The following TRAPPC9 variants were observed in gnomAD, a reference collection of about 807,000 sequenced individuals.
TRAPPC9 encodes the protein trafficking protein particle complex subunit 9, also known as IKK2 binding protein.
A neutral mutation model predicts 124.0 loss-of-function variants in TRAPPC9; 83 were observed. The observed-to-expected ratio is 0.67, with a 90% CI of 0.56 to 0.80. The LOEUF (loss-of-function observed/expected upper bound fraction) is 0.80, where lower values mean the gene tolerates loss of function less well. Among genes scored for constraint, TRAPPC9 ranks in the 30% least tolerant of loss-of-function variants. The pLI is 0.00. For missense variants in TRAPPC9, 1,302 were observed against 1,508.3 expected (o/e 0.86, Z 2.27); for synonymous variants, 638 against 617.5 (o/e 1.03, Z -0.49).
chr8:139,931,040 G>A (rs987010995), intron 19 of TRAPPC9: 17 of 152,258 alleles, frequency 1.1e-4, no homozygotes, highest in African/African-American at 3.9e-4. Flanking sequence ...GCAACCCCGA[G>A]GCCCTGGCTC....
intron 21 of TRAPPC9, among the ~76,000 whole-genome samples, chr8:139,775,055 C>T (rs1172170226): frequency 6.6e-6 from 1 of 152,192 alleles, no homozygotes; most frequent in African/African-American, 2.4e-5. Context: ...CCAAGAATGT[C>T]TAAGGGCCAG....
chr8:139,743,541 T>C (rs979578235), intron 21 of TRAPPC9, among the ~76,000 whole-genome samples: 19 of 152,256 alleles, frequency 1.2e-4, no homozygotes, highest in African/African-American at 4.6e-4. Flanking sequence ...CTAGTTGACA[T>C]AAATCTTGGG....
At chr8:139,746,613 G>C (rs1818911336) in intron 21 of TRAPPC9, among the ~76,000 whole-genome samples, 1 of 152,322 alleles carries the variant, frequency 6.6e-6, no homozygotes, top group South Asian at 2.1e-4. Context: ...GGGTCCCCAG[G>C]TGAGCGCCAA....
At chr8:140,334,049 A>G (rs7813317) in intron 9 of TRAPPC9, among the ~76,000 whole-genome samples, 27 of 152,212 alleles carry the variant, frequency 1.8e-4, no homozygotes, top group African/African-American at 6.3e-4. Flanking sequence ...AGAGAAATTG[A>G]AGCTTAGAAA....
At chr8:140,442,623 T>C (rs1480659810) in intron 2 of TRAPPC9, among the ~76,000 whole-genome samples, 1 of 151,324 alleles carries the variant, frequency 6.6e-6, no homozygotes, top group East Asian at 1.9e-4. Flanking sequence ...AAGAAAATGC[T>C]TAATATTTTT....
At chr8:140,389,563 C>G (rs1413144568) in intron 7 of TRAPPC9, among the ~76,000 whole-genome samples, 5 of 152,056 alleles carry the variant, frequency 3.3e-5, no homozygotes, top group African/African-American at 1.2e-4. Context: ...AGTGCCTGGT[C>G]TATGACAAGT....
intron 17 of TRAPPC9, among the ~76,000 whole-genome samples, chr8:140,125,626 G>A (rs937216061): frequency 1.8e-5 from 2 of 113,948 alleles, no homozygotes; most frequent in Admixed American, 1.3e-4. Flanking sequence ...ATGGAGCCTC[G>A]CTCTGTCACC....
chr8:139,754,075 G>C (rs533636549), intron 21 of TRAPPC9, among the ~76,000 whole-genome samples: 1 of 152,296 alleles, frequency 6.6e-6, no homozygotes, highest in Admixed American at 6.5e-5. Flanking sequence ...TGTGTTCTTA[G>C]CTCAGGCTGG....
chr8:140,362,409 G>A (rs2067982770), intron 8 of TRAPPC9, among the ~76,000 whole-genome samples: 1 of 152,042 alleles, frequency 6.6e-6, no homozygotes, highest in Non-Finnish European at 1.5e-5. Context: ...TTTTGATAAT[G>A]ATTTAATCTG....
chr8:139,832,033 G>T (rs937374967), intron 21 of TRAPPC9, among the ~76,000 whole-genome samples: 1 of 152,116 alleles, frequency 6.6e-6, no homozygotes. Context: ...CCCTCCCAAG[G>T]TGCTCATAGC....
rs1217270502 is a variant in TRAPPC9, at chr8:140,129,180, C to T, written c.2556+92279G>A. 2.0e-5 allele frequency among the ~76,000 whole-genome samples: 3 copies of T among 152,010 alleles called. No individual in the cohort carries two copies. The East Asian group carries it at 5.8e-4, about 29-fold the overall frequency. ...GTTTCTTTAACAACAGATTGGTGTC[C>T]ATCTCCTTTCTGAACAAGGCAGGCC... On this transcript the variant is annotated intron_variant, in intron 17 of 22. Transcript: ENST00000438773.
chr8:139,979,800 CA>C (rs1836765003), intron 19 of TRAPPC9, among the ~76,000 whole-genome samples: 1 of 152,128 alleles, frequency 6.6e-6, no homozygotes, highest in Non-Finnish European at 1.5e-5. Context: ...ACAGCACTGC[CA>C]GGGGGACCCA....
At chr8:140,053,128 T>C (rs938137733) in intron 17 of TRAPPC9, among the ~76,000 whole-genome samples, 1 of 152,198 alleles carries the variant, frequency 6.6e-6, no homozygotes, top group Non-Finnish European at 1.5e-5. Flanking sequence ...GGCAAACACA[T>C]AATCATTGAA....
At chr8:139,801,413 C>T (rs4736096) in intron 21 of TRAPPC9, among the ~76,000 whole-genome samples, 9,664 of 152,258 alleles carry the variant, frequency 0.063, 422 homozygotes, top group East Asian at 0.14. Flanking sequence ...GTGAGTGGTG[C>T]GTGGGTGTGG....
At position 140,450,772 on chromosome 8, in the gene TRAPPC9, G is replaced by C. The variant is rs1380874026; in HGVS notation, c.584+18C>G. 1 of 1,586,088 alleles carries C rather than the reference G, an allele frequency of 6.3e-7. No homozygotes were observed. The highest frequency in any genetic ancestry group is 1.1e-5 in the South Asian group (1 of 88,044). On this transcript the variant is annotated intron_variant, in intron 2 of 22. Transcript: ENST00000438773. ...GATGCAGGGAAGCCAAGGGGCCTGG[G>C]TCTCTAGGTAAGCTTACCTGCTGTC...
In TRAPPC9 at chr8:140,018,549, G is replaced by A. The variant is rs570309344; in HGVS notation, c.2699+5388C>T. ...TCACCGTGTTAGCCAGGATGGTCTCGATCTCCTGACCTTGTGATCCACCCA... is the reference window on the plus strand; with the variant it reads ...TCACCGTGTTAGCCAGGATGGTCTCAATCTCCTGACCTTGTGATCCACCCA... On this transcript the variant is annotated intron_variant, in intron 18 of 22. Coordinates refer to ENST00000438773, the MANE Select transcript of TRAPPC9 (RefSeq NM_001160372.4). Among the ~76,000 whole-genome samples the A allele has an allele frequency of 6.6e-5, 10 of 151,734 alleles. No homozygotes were observed. In the East Asian group the frequency reaches 1.2e-3, roughly 18 times the overall value.
rs77012511 is a variant in TRAPPC9, at chr8:140,169,622, G to A, written c.2556+51837C>T. On this transcript the variant is annotated intron_variant, in intron 17 of 22. Transcript: ENST00000438773. ...GGAAGGAAGCACTGATGCTCAGCAC[G>A]GCATCTACGAGCCTTGAGAACAGGC... 4.1e-3 allele frequency among the ~76,000 whole-genome samples: 630 copies of A among 152,266 alleles called. 4 individuals are homozygous for A. The highest frequency in any genetic ancestry group is 7.0e-3 in the Non-Finnish European group (473 of 68,022).
At chr8:139,932,312 T>C (rs1196509035) in intron 19 of TRAPPC9, 1 of 457,848 alleles carries the variant, frequency 2.2e-6, no homozygotes, top group East Asian at 7.0e-5. Flanking sequence ...ACCTCGTGGA[T>C]GTCAGGCTTG....
chr8:139,851,860 G>A (rs1827488501), intron 21 of TRAPPC9, among the ~76,000 whole-genome samples: 1 of 152,208 alleles, frequency 6.6e-6, no homozygotes, highest in African/African-American at 2.4e-5. Flanking sequence ...GGTGGGCTCT[G>A]TGAGGGGCAG....
Sources: gnomAD v4.1 joint callset for allele counts (sites outside exome capture counted in the v4.1 genomes callset) on GRCh38, gnomAD v4.1.1 for gene constraint, MANE v1.5 for transcripts, NCBI Gene and HGNC (gene_info 2026-07-23, HGNC 2026-07-21) for gene names.